The following WWOX variants were observed in gnomAD, a reference collection of about 807,000 sequenced individuals.
WWOX encodes the protein WW domain containing oxidoreductase, also known as WW domain-containing oxidoreductase.
WWOX carries 69 observed loss-of-function variants against 46.2 expected under a neutral mutation model. The observed-to-expected ratio is 1.49, with a 90% CI of 1.23 to 1.82. WWOX has a LOEUF of 1.82. Among genes scored for constraint, WWOX ranks in the 40% most tolerant of loss-of-function variants. The pLI, the probability that WWOX is intolerant of heterozygous loss-of-function variation, is 0.00. For synonymous variants in WWOX, 359 were observed against 202.6 expected, an observed-to-expected ratio of 1.77 and a Z score of -6.56; for missense variants, 919 against 542.6, an observed-to-expected ratio of 1.69 and a Z score of -6.89.
intron 5 of WWOX, chr16:78,238,088 C>G (rs1432525729): frequency 6.6e-6 from 1 of 152,252 alleles, no homozygotes; most frequent in Non-Finnish European, 1.5e-5. Flanking sequence ...CACACCTTAC[C>G]TCCTGGGGAT....
At chr16:79,153,977 G>C (rs144005167) in intron 8 of WWOX, among the ~76,000 whole-genome samples, 59 of 152,256 alleles carry the variant, frequency 3.9e-4, no homozygotes, top group African/African-American at 1.4e-3. Flanking sequence ...GCTAGCCATG[G>C]ATGCACCCCA....
At chr16:78,960,926 C>G (rs2046259638) in intron 8 of WWOX, among the ~76,000 whole-genome samples, 1 of 152,196 alleles carries the variant, frequency 6.6e-6, no homozygotes, top group Admixed American at 6.5e-5. Flanking sequence ...ACGGGGCTTG[C>G]TTTGGGTCCC....
intron 8 of WWOX, among the ~76,000 whole-genome samples, chr16:78,664,500 T>C (rs2142182086): frequency 6.6e-6 from 1 of 152,322 alleles, no homozygotes; most frequent in Admixed American, 6.5e-5. Context: ...ATGCCCTTAG[T>C]CCTGTCCCCT....
chr16:79,104,055 T>TGGGGGGGGG (rs2049259118), intron 8 of WWOX, among the ~76,000 whole-genome samples: 1 of 16,546 alleles, frequency 6.0e-5, no homozygotes. Context: ...GGGGGGCGGG[T>TGGGGGGGGG]GGTGGGGGTA....
intron 8 of WWOX, among the ~76,000 whole-genome samples, chr16:78,591,641 C>G (rs567172075): frequency 6.6e-6 from 1 of 152,318 alleles, no homozygotes; most frequent in East Asian, 1.9e-4. Context: ...TGAGTCTCAG[C>G]TGACCAAGCT....
At position 78,153,250 on chromosome 16, in the gene WWOX, T is replaced by G. The variant is rs2034478596; in HGVS notation, c.410-10933T>G. Among the ~76,000 whole-genome samples, 2 of 152,166 alleles carry G rather than the reference T, an allele frequency of 1.3e-5. 1 individual carries two copies. Among genetic ancestry groups the G allele is most frequent in the Admixed American group, 1.3e-4 (2 of 15,276 alleles). ...TGGCATTGAGCATATAGGCGTGGTG[T>G]ACTTCTTAGAACTTCATCTGGAAAT... On this transcript the variant is annotated intron_variant, in intron 4 of 8. Coordinates refer to ENST00000566780, the MANE Select transcript of WWOX (RefSeq NM_016373.4).
rs1263877025 is a variant in WWOX at position 78,422,684 on chromosome 16, T to TATATATATATATATATATATACAC, written c.606-2185_606-2184insTATATATATATATATATATACACA. On this transcript the variant is annotated intron_variant, in intron 6 of 8. Transcript: ENST00000566780. ...ACATGTATATATATATATATATATA[T>TATATATATATATATATATATACAC]ACACACACACACACACATATATATA... Among the ~76,000 whole-genome samples, 192 of 52,940 alleles carry TATATATATATATATATATATACAC rather than the reference T, an allele frequency of 3.6e-3. 15 individuals carry two copies. Among genetic ancestry groups the TATATATATATATATATATATACAC allele is most frequent in the Non-Finnish European group, 5.0e-3 (151 of 30,352 alleles). 34.7% of individuals were successfully genotyped at this position (52,940 alleles called of 152,430 possible).
chr16:78,693,190 G>C (rs2048028797), intron 8 of WWOX, among the ~76,000 whole-genome samples: 1 of 152,154 alleles, frequency 6.6e-6, no homozygotes, highest in South Asian at 2.1e-4. Context: ...GTTCAACTCA[G>C]ATATTGACTG....
chr16:78,977,138 T>G (rs1169493788), intron 8 of WWOX, among the ~76,000 whole-genome samples: 3 of 152,194 alleles, frequency 2.0e-5, no homozygotes, highest in African/African-American at 7.2e-5. Context: ...TACTCCCATA[T>G]GTGGTATCTC....
At chr16:78,264,016 G>GTTTTTTTTT (rs1567466234) in intron 5 of WWOX, among the ~76,000 whole-genome samples, 3 of 100,972 alleles carry the variant, frequency 3.0e-5, no homozygotes, top group South Asian at 6.8e-4. Flanking sequence ...TTTTTTTTTT[G>GTTTTTTTTT]TTTTTTTGCT....
At chr16:78,730,087 G>C (rs1409390445) in intron 8 of WWOX, among the ~76,000 whole-genome samples, 1 of 152,102 alleles carries the variant, frequency 6.6e-6, no homozygotes, top group Non-Finnish European at 1.5e-5. Context: ...GGTGGTGATG[G>C]TGTTTTACTC....
At chr16:78,994,524 C>G (rs369938638) in intron 8 of WWOX, 1 of 152,208 alleles carries the variant, frequency 6.6e-6, no homozygotes, top group Non-Finnish European at 1.5e-5. Context: ...TGCGAATGGT[C>G]TTGTTCTTAT....
chr16:79,100,525 C>A (rs911158166), intron 8 of WWOX, among the ~76,000 whole-genome samples: 2 of 152,098 alleles, frequency 1.3e-5, no homozygotes, highest in African/African-American at 2.4e-5. Flanking sequence ...CCTCTGAATA[C>A]CCCGTTAGTT....
intron 8 of WWOX, among the ~76,000 whole-genome samples, chr16:79,184,935 C>A (rs909098882): frequency 1.8e-4 from 28 of 152,306 alleles, no homozygotes; most frequent in African/African-American, 6.7e-4. Context: ...AGGGATTCTC[C>A]TTTACATTTT....
At chr16:79,064,180 G>T (rs559286397) in intron 8 of WWOX, among the ~76,000 whole-genome samples, 3 of 152,340 alleles carry the variant, frequency 2.0e-5, no homozygotes, top group Admixed American at 2.0e-4. Context: ...GATGCAATTT[G>T]TAATATTGTT....
intron 8 of WWOX, among the ~76,000 whole-genome samples, chr16:78,754,732 A>G (rs956919388): frequency 6.6e-6 from 1 of 152,144 alleles, no homozygotes; most frequent in Non-Finnish European, 1.5e-5. Flanking sequence ...AAATAAGAAA[A>G]AAAGATTTCT....
chr16:79,047,874 C>T (rs2048095280), intron 8 of WWOX, among the ~76,000 whole-genome samples: 1 of 151,586 alleles, frequency 6.6e-6, no homozygotes, highest in African/African-American at 2.4e-5. Flanking sequence ...TCTGACAACT[C>T]ATTGATTCAG....
At chr16:78,370,480 G>T (rs1198236791) in intron 5 of WWOX, among the ~76,000 whole-genome samples, 1 of 118,592 alleles carries the variant, frequency 8.4e-6, no homozygotes, top group Non-Finnish European at 1.7e-5. Flanking sequence ...GACGTATGCT[G>T]GGGGTATCTA....
At chr16:78,948,910 C>T (rs534043491) in intron 8 of WWOX, among the ~76,000 whole-genome samples, 6 of 152,022 alleles carry the variant, frequency 3.9e-5, no homozygotes, top group African/African-American at 1.2e-4. Flanking sequence ...ACAAGAGAAT[C>T]GGAGAGATGT....
Sources: allele counts gnomAD v4.1 joint callset (sites outside exome capture counted in the v4.1 genomes callset), GRCh38; gene constraint gnomAD v4.1.1; transcripts MANE v1.5; gene names NCBI Gene and HGNC (gene_info 2026-07-23, HGNC 2026-07-21).